Variants in CD164 observed in about 807,000 individuals in gnomAD.
CD164 encodes CD164 molecule.
In CD164, 11 loss-of-function variants were observed where a neutral mutation model predicts 24.6. The observed-to-expected ratio is 0.45, with a 90% CI of 0.28 to 0.74. CD164 has a LOEUF of 0.74. CD164 is among the 30% of genes least tolerant of loss of function. The pLI is 0.13. For synonymous variants in CD164, 126 were observed against 100.3 expected (o/e 1.26, Z -1.53); for missense variants, 295 against 243.7 (o/e 1.21, Z -1.40).
intron 2 of CD164, among the ~76,000 whole-genome samples, chr6:109,378,294 A>C (rs1771533593): frequency 6.6e-6 from 1 of 152,214 alleles, no homozygotes; most frequent in Non-Finnish European, 1.5e-5. Context: ...GGCAGCCATC[A>C]TCTAAAAAGT....
chr6:109,368,584 GA>G lies in CD164; in HGVS notation c.*266del. On this transcript the variant is annotated 3_prime_UTR_variant, in exon 6 of 6. Transcript: ENST00000310786. ...AGAAAGTTATATTTGGCATGTTAAG[GA>G]AAAAAAATATAATCCCACAGCAGCA... The G allele has an allele frequency of 1.5e-5, 20 of 1,336,552 alleles. No homozygotes were observed. Among genetic ancestry groups the G allele is most frequent in the South Asian group, 8.5e-5 (4 of 47,282 alleles). 82.8% of individuals were successfully genotyped at this position (1,336,552 alleles called of 1,614,324 possible).
chr6:109,381,866 C>T lies in CD164; in HGVS notation c.175+338G>A. The T allele has an allele frequency of 6.2e-6, 3 of 486,818 alleles. No individual in the cohort carries two copies. The South Asian group carries it at 8.4e-5, about 14-fold the overall frequency. 30.2% of individuals were successfully genotyped at this position (486,818 alleles called of 1,614,324 possible). A position where few individuals can be genotyped will look rare whatever the true frequency, so the allele number is the denominator to read the frequency against. On this transcript the variant is annotated intron_variant, in intron 1 of 5. Coordinates refer to ENST00000310786, the MANE Select transcript of CD164 (RefSeq NM_006016.6). ...CCCCATCCTCAACCCCACCGCTGCC[C>T]CCGCGGAAGGAAGCCACGTCCCCAT...
At position 109,367,200 on chromosome 6, in the gene CD164, T is replaced by C. The variant is rs1304418042; in HGVS notation, c.*1651A>G. On this transcript the variant is annotated 3_prime_UTR_variant, in exon 6 of 6. Transcript: ENST00000310786. The stretch of plus-strand genomic sequence containing the variant: ...CAGAGATTTTAAACAATTAAGGCAC[T>C]TGAAAACATTAAGTATATGTACAAA... The C allele has an allele frequency of 1.3e-5, 2 of 152,594 alleles. No individual in the cohort carries two copies. The highest frequency in any genetic ancestry group is 1.5e-5 in the Non-Finnish European group (1 of 68,008). The allele number at this position is 152,594 out of a possible 1,614,324, so 9.5% of individuals were successfully genotyped here. A position where few individuals can be genotyped will look rare whatever the true frequency, so the allele number is the denominator to read the frequency against.
At chr6:109,375,134 A>G (rs1771321189) in intron 4 of CD164, among the ~76,000 whole-genome samples, 1 of 152,206 alleles carries the variant, frequency 6.6e-6, no homozygotes, top group Non-Finnish European at 1.5e-5. Context: ...TGAAAATAAT[A>G]AATCTTTCTG....
Position 109,369,104 on chromosome 6 carries a change from CAT to C in CD164, c.428-89_428-88del, listed in dbSNP as rs2115140164. On this transcript the variant is annotated intron_variant, in intron 5 of 5. Coordinates refer to ENST00000310786, the MANE Select transcript of CD164 (RefSeq NM_006016.6). Reference sequence around the variant, plus strand: ...AGATGCACCTGAGCCTCTATTTTGCCATGTGTTAAATTCTATAAAGTATTTCC... The same window carrying C: ...AGATGCACCTGAGCCTCTATTTTGCCGTGTTAAATTCTATAAAGTATTTCC... The C allele has an allele frequency of 9.3e-6, 11 of 1,186,364 alleles. No homozygotes were observed. In the South Asian group the frequency reaches 1.6e-4, roughly 17 times the overall value. The allele number at this position is 1,186,364 out of a possible 1,614,324, so 73.5% of individuals were successfully genotyped here. A position where few individuals can be genotyped will look rare whatever the true frequency, so the allele number is the denominator to read the frequency against.
chr6:109,369,783 A>G (rs1254107727), intron 5 of CD164, among the ~76,000 whole-genome samples: 1 of 152,206 alleles, frequency 6.6e-6, no homozygotes, highest in Admixed American at 6.5e-5. Context: ...GCATGAAGAA[A>G]AAGAAATCAC....
intron 4 of CD164, among the ~76,000 whole-genome samples, chr6:109,373,178 T>A (rs1285045668): frequency 6.6e-6 from 1 of 152,246 alleles, no homozygotes; most frequent in Non-Finnish European, 1.5e-5. Flanking sequence ...TCTAGGCATG[T>A]ATATAACAAG....
In CD164 at chr6:109,368,303, G is replaced by C. The variant is rs1303443317; in HGVS notation, c.*548C>G. ...TTCATTTCTTTAAATCTGGAATGTA[G>C]TTCCTTGTGTGGCATCTTATTTCTA... On this transcript the variant is annotated 3_prime_UTR_variant, in exon 6 of 6. Transcript: ENST00000310786. 2 of 1,542,734 alleles carry C rather than the reference G, an allele frequency of 1.3e-6. No homozygotes were observed. Among genetic ancestry groups the C allele is most frequent in the Non-Finnish European group, 1.7e-6 (2 of 1,143,108 alleles).
At position 109,369,013 on chromosome 6, in the gene CD164, T is replaced by C; in HGVS notation, c.432A>G (p.Thr144=). The change falls in exon 6 of 6, where the codon ACA becomes ACG. Residue 144 remains threonine, a synonymous_variant. Coordinates refer to ENST00000310786, the MANE Select transcript of CD164 (RefSeq NM_006016.6). ...AGGTTGGAGTCACAGTGTTATTTGT[T>C]GTACCTGTTAGATAAGACAAAAGAA... is the stretch of plus-strand genomic sequence containing the variant. ...TTSKTVTTSG[T]TNNTVTPTSQ... is the part of the protein sequence containing the mutation. The C allele has an allele frequency of 6.2e-7, 1 of 1,610,352 alleles. No homozygotes were observed. The highest frequency in any genetic ancestry group is 8.5e-7 in the Non-Finnish European group (1 of 1,178,800).
In CD164 at chr6:109,374,497, T is replaced by C. The variant is rs574718540; in HGVS notation, c.370+1577A>G. Among the ~76,000 whole-genome samples, 89 of 152,298 alleles carry C rather than the reference T, an allele frequency of 5.8e-4. 1 individual carries two copies. Among genetic ancestry groups the C allele is most frequent in the African/African-American group, 2.0e-3 (83 of 41,560 alleles). On this transcript the variant is annotated intron_variant, in intron 4 of 5. Coordinates refer to ENST00000310786, the MANE Select transcript of CD164 (RefSeq NM_006016.6). ...CCCACCTCTATCTGTTCTCTAGAAT[T>C]ATTGTAACAGGCTATCTAATCTCCT...
chr6:109,377,084 T>C (rs1443593268), intron 3 of CD164, among the ~76,000 whole-genome samples: 1 of 152,020 alleles, frequency 6.6e-6, no homozygotes, highest in African/African-American at 2.4e-5. Flanking sequence ...TGGCAATGAG[T>C]TATGATTGTG....
intron 1 of CD164, chr6:109,381,800 C>T: frequency 3.6e-6 from 2 of 562,352 alleles, no homozygotes; most frequent in South Asian, 4.3e-5. Context: ...CAGGGAGAGG[C>T]AGCTCGGCCC....
At chr6:109,372,862 T>G (rs1453011989) in intron 4 of CD164, 1 of 152,226 alleles carries the variant, frequency 6.6e-6, no homozygotes, top group African/African-American at 2.4e-5. Context: ...TGGTTCTCAT[T>G]ACCCAGCCTC....
At chr6:109,381,729 C>T in intron 1 of CD164, 1 of 593,644 alleles carries the variant, frequency 1.7e-6, no homozygotes, top group Non-Finnish European at 3.0e-6. Context: ...GTTTCTCTTT[C>T]CCGGACTTCC....
chr6:109,380,653 A>C (rs1771685951), intron 1 of CD164: 1 of 152,256 alleles, frequency 6.6e-6, no homozygotes, highest in South Asian at 2.1e-4. Flanking sequence ...TAGCAAAGTG[A>C]AATGTCTGAA....
chr6:109,378,873 T>C (rs1473581583), intron 2 of CD164, among the ~76,000 whole-genome samples: 3 of 145,142 alleles, frequency 2.1e-5, no homozygotes, highest in Non-Finnish European at 3.0e-5. Flanking sequence ...AAAAAACTTA[T>C]GGTTTGTTTT....
At chr6:109,374,829 C>G (rs1324097819) in intron 4 of CD164, among the ~76,000 whole-genome samples, 1 of 152,142 alleles carries the variant, frequency 6.6e-6, no homozygotes, top group Non-Finnish European at 1.5e-5. Flanking sequence ...TCCAAGTTTT[C>G]CAGTGCAGTT....
In CD164 at chr6:109,367,485, A is replaced by G. The variant is rs1187291394; in HGVS notation, c.*1366T>C. The G allele has an allele frequency of 6.6e-6, 1 of 152,394 alleles. No individual in the cohort carries two copies. Among genetic ancestry groups the G allele is most frequent in the Non-Finnish European group, 1.5e-5 (1 of 68,020 alleles). The allele number at this position is 152,394 out of a possible 1,614,324, so 9.4% of individuals were successfully genotyped here. A position where few individuals can be genotyped will look rare whatever the true frequency, so the allele number is the denominator to read the frequency against. On this transcript the variant is annotated 3_prime_UTR_variant, in exon 6 of 6. Transcript: ENST00000310786. The stretch of plus-strand genomic sequence containing the variant: ...TACTTAAAGCCTCTGCACTAGTCCA[A>G]TGAGTCAAAGGCAAGGGAGAAGTAA...
At chr6:109,376,243 T>G in intron 3 of CD164, 131 bp from the exon 4 acceptor site, 1 of 564,580 alleles carries the variant, frequency 1.8e-6, no homozygotes, top group Non-Finnish European at 2.9e-6. Context: ...AAATACTACC[T>G]GTGGAAGAGA....
Sources: gnomAD v4.1 joint callset for allele counts (sites outside exome capture counted in the v4.1 genomes callset) on GRCh38, gnomAD v4.1.1 for gene constraint, MANE v1.5 for transcripts, NCBI Gene and HGNC (gene_info 2026-07-23, HGNC 2026-07-21) for gene names.